The following EYS variants were observed in gnomAD, a reference collection of about 807,000 sequenced individuals.
EYS encodes the protein EGF-like photoreceptor maintenance factor.
EYS carries 250 observed loss-of-function variants against 282.1 expected under a neutral mutation model. The observed-to-expected ratio is 0.89, with a 90% confidence interval of 0.80 to 0.98. The LOEUF is 0.98. EYS is among the 50% of genes least tolerant of loss of function. EYS has a pLI of 0.00. For missense variants in EYS, 4,016 were observed against 3,709.0 expected, an observed-to-expected ratio of 1.08 and a Z score of -2.15; for synonymous variants, 1,355 against 1,282.9, an observed-to-expected ratio of 1.06 and a Z score of -1.20.
chr6:65,405,466 AGTTT>A, intron 5 of EYS, 99 bp from the exon 6 acceptor site: 1 of 941,026 alleles, frequency 1.1e-6, no homozygotes, highest in Non-Finnish European at 1.7e-6. Context: ...ATTTCTCTAG[AGTTT>A]ATGAAATATT....
intron 8 of EYS, among the ~76,000 whole-genome samples, chr6:65,383,099 A>G (rs2150350920): frequency 6.6e-6 from 1 of 152,194 alleles, no homozygotes; most frequent in Admixed American, 6.6e-5. Flanking sequence ...GACGTTTCAT[A>G]TCAGTTTTAT....
At chr6:65,260,401 T>C (rs1269562328) in intron 12 of EYS, among the ~76,000 whole-genome samples, 1 of 152,122 alleles carries the variant, frequency 6.6e-6, no homozygotes, top group East Asian at 1.9e-4. Context: ...AAGGCTTTTA[T>C]TTCTGTTGTT....
At chr6:64,096,988 C>A (rs971982478) in intron 31 of EYS, among the ~76,000 whole-genome samples, 1 of 152,202 alleles carries the variant, frequency 6.6e-6, no homozygotes, top group African/African-American at 2.4e-5. Flanking sequence ...CCCTCAGCTG[C>A]AGGTCTGTTG....
intron 2 of EYS, among the ~76,000 whole-genome samples, chr6:65,585,701 A>G (rs1228423237): frequency 1.3e-5 from 2 of 151,954 alleles, no homozygotes; most frequent in African/African-American, 4.8e-5. Flanking sequence ...ATATGAGACT[A>G]CATTTATGTG....
intron 29 of EYS, among the ~76,000 whole-genome samples, chr6:64,374,709 G>A (rs552785701): frequency 1.3e-5 from 2 of 152,292 alleles, no homozygotes; most frequent in African/African-American, 4.8e-5. Context: ...GCATACAAGA[G>A]CTGCTGCTCG....
intron 31 of EYS, among the ~76,000 whole-genome samples, chr6:64,148,210 ATATATG>A (rs1291949150): frequency 1.3e-5 from 2 of 152,156 alleles, no homozygotes; most frequent in Non-Finnish European, 2.9e-5. Context: ...CTCATTTTCT[ATATATG>A]TATATGTGTA....
chr6:64,901,863 T>C (rs1767676574), intron 18 of EYS, among the ~76,000 whole-genome samples: 1 of 152,158 alleles, frequency 6.6e-6, no homozygotes, highest in Non-Finnish European at 1.5e-5. Flanking sequence ...TATAATAACA[T>C]GGAAACTAAG....
chr6:64,831,112 T>C (rs1583203100), intron 19 of EYS, among the ~76,000 whole-genome samples: 1 of 151,982 alleles, frequency 6.6e-6, no homozygotes, highest in Non-Finnish European at 1.5e-5. Flanking sequence ...TCGCAGGCAT[T>C]GCTGTTGAAA....
chr6:64,082,012 A>AAAATG lies in EYS; in HGVS notation c.6425-15_6425-11dup, dbSNP rs542312361. On this transcript the variant is annotated splice_polypyrimidine_tract_variant and intron_variant, in intron 31 of 42. Transcript: ENST00000503581. ...AAGAATAAACCTGCATCTAAAAAAGAAAATGGTATTAATATGTTCTGATAG... is the reference window on the plus strand; with the variant it reads ...AAGAATAAACCTGCATCTAAAAAAGAAAATGAAATGGTATTAATATGTTCTGATAG... The AAAATG allele has an allele frequency of 1.3e-6, 2 of 1,512,530 alleles. No homozygotes were observed. Among genetic ancestry groups the AAAATG allele is most frequent in the Non-Finnish European group, 1.8e-6 (2 of 1,115,278 alleles). The allele number at this position is 1,512,530 out of a possible 1,614,324, so 93.7% of individuals were successfully genotyped here. A position where few individuals can be genotyped will look rare whatever the true frequency, so the allele number is the denominator to read the frequency against.
At chr6:65,281,715 G>T (rs7747592) in intron 12 of EYS, among the ~76,000 whole-genome samples, 151,871 of 152,214 alleles carry the variant, frequency 1, 75,765 homozygotes, top group Non-Finnish European at 1. Context: ...CCTCATATCA[G>T]AAAGAGAATA....
intron 2 of EYS, among the ~76,000 whole-genome samples, chr6:65,578,978 A>C (rs892477166): frequency 5.3e-5 from 8 of 152,116 alleles, no homozygotes; most frequent in Non-Finnish European, 1.2e-4. Context: ...TTCTAGTTTA[A>C]ATTATTTTCC....
chr6:64,903,783 C>T (rs1767739632), intron 16 of EYS, among the ~76,000 whole-genome samples: 1 of 152,156 alleles, frequency 6.6e-6, no homozygotes, highest in South Asian at 2.1e-4. Context: ...ACAGTCAATG[C>T]CATTCTCTGT....
At chr6:65,698,897 T>C (rs1769553525) in intron 1 of EYS, among the ~76,000 whole-genome samples, 1 of 152,184 alleles carries the variant, frequency 6.6e-6, no homozygotes, top group Non-Finnish European at 1.5e-5. Context: ...TTCCTGATAT[T>C]ATTCAAAACA....
intron 12 of EYS, among the ~76,000 whole-genome samples, chr6:65,239,721 ATATT>A (rs763954050): frequency 5.3e-5 from 8 of 152,138 alleles, no homozygotes; most frequent in Non-Finnish European, 7.4e-5. Context: ...TAAGATATAC[ATATT>A]TATTTGTGAA....
intron 11 of EYS, among the ~76,000 whole-genome samples, chr6:65,301,885 A>G (rs1465833970): frequency 1.3e-5 from 2 of 152,236 alleles, no homozygotes; most frequent in African/African-American, 4.8e-5. Context: ...GGAACTAGAG[A>G]TAGTGATGCT....
At chr6:64,565,043 T>C (rs1027897858) in intron 26 of EYS, among the ~76,000 whole-genome samples, 3 of 152,182 alleles carry the variant, frequency 2.0e-5, no homozygotes, top group African/African-American at 7.2e-5. Context: ...GACTTTCTTA[T>C]GTATTTTGGA....
intron 11 of EYS, among the ~76,000 whole-genome samples, chr6:65,326,638 G>T (rs974401762): frequency 7.3e-5 from 11 of 151,178 alleles, no homozygotes; most frequent in Non-Finnish European, 1.5e-4. Flanking sequence ...ATTTATATAT[G>T]AATTTAGAAT....
At position 64,220,128 on chromosome 6, in the gene EYS, A is replaced by C. The variant is rs1231475549; in HGVS notation, c.6424+10464T>G. 2.0e-5 allele frequency among the ~76,000 whole-genome samples: 3 copies of C among 152,130 alleles called. No individual in the cohort carries two copies. In the East Asian group the frequency reaches 5.8e-4, roughly 29 times the overall value. On this transcript the variant is annotated intron_variant, in intron 31 of 42. Transcript: ENST00000503581. ...GCACACCAACATGGCACATGTATAC[A>C]TATGTAACAAACCTGCACATTGTGC...
chr6:64,891,143 G>A (rs1411019464), intron 18 of EYS, among the ~76,000 whole-genome samples: 1 of 150,740 alleles, frequency 6.6e-6, no homozygotes, highest in Non-Finnish European at 1.5e-5. Context: ...TTTCTGAATG[G>A]CATCTAAAAT....
Sources: gnomAD v4.1 joint callset for allele counts (sites outside exome capture counted in the v4.1 genomes callset) on GRCh38, gnomAD v4.1.1 for gene constraint, MANE v1.5 for transcripts, NCBI Gene and HGNC (gene_info 2026-07-23, HGNC 2026-07-21) for gene names.